Variants in COL24A1 observed in about 807,000 individuals in gnomAD.
COL24A1 encodes the protein collagen type XXIV alpha 1 chain.
COL24A1 carries 224 observed loss-of-function variants against 253.9 expected under a neutral mutation model. The ratio of observed to expected loss-of-function variants is 0.88; its 90% CI spans 0.79 to 0.99. The LOEUF (loss-of-function observed/expected upper bound fraction) is 0.99. Among genes scored for constraint, COL24A1 ranks in the 50% least tolerant of loss-of-function variants. COL24A1 has a pLI of 0.00. For synonymous variants in COL24A1, 685 were observed against 673.7 expected, an observed-to-expected ratio of 1.02 and a Z score of -0.26; for missense variants, 2,131 against 2,068.5, an observed-to-expected ratio of 1.03 and a Z score of -0.59.
chr1:86,107,565 T>TC (rs1203552997), intron 5 of COL24A1, among the ~76,000 whole-genome samples: 1 of 151,404 alleles, frequency 6.6e-6, no homozygotes, highest in African/African-American at 2.4e-5. Flanking sequence ...AGACGGAGTC[T>TC]GCTCCGTCGC....
chr1:85,993,326 T>C (rs1274597839), intron 19 of COL24A1, among the ~76,000 whole-genome samples: 2 of 151,984 alleles, frequency 1.3e-5, no homozygotes, highest in Non-Finnish European at 2.9e-5. Context: ...AAATGGTAAG[T>C]GGATAAACTT....
chr1:85,868,945 A>T, intron 35 of COL24A1, 110 bp from the exon 36 acceptor site: 1 of 644,838 alleles, frequency 1.6e-6, no homozygotes, highest in Non-Finnish European at 2.6e-6. Context: ...GTGTTCACTT[A>T]TTTCTACTAC....
chr1:85,855,232 T>C (rs1410672088), intron 37 of COL24A1, among the ~76,000 whole-genome samples: 2 of 152,206 alleles, frequency 1.3e-5, no homozygotes, highest in African/African-American at 4.8e-5. Flanking sequence ...TTCTTTCTTT[T>C]GTCTGACTGC....
In COL24A1 at chr1:85,757,615, C is replaced by T. The variant is rs1211053748; in HGVS notation, c.4437+3781G>A. On this transcript the variant is annotated intron_variant, in intron 55 of 59. Transcript: ENST00000370571. ...ATTAGAAAGAAAAGAAATTTCATAA[C>T]ACTTGGCCACTCAAAAATTTTCTTG... Among the ~76,000 whole-genome samples the T allele has an allele frequency of 2.0e-5, 3 of 152,100 alleles. No individual in the cohort carries two copies. In the East Asian group the frequency reaches 5.8e-4, roughly 29 times the overall value.
intron 5 of COL24A1, among the ~76,000 whole-genome samples, chr1:86,111,532 G>A (rs114698398): frequency 0.024 from 3,613 of 152,106 alleles, 50 homozygotes; most frequent in Middle Eastern, 0.048. Flanking sequence ...AAAACAGAGC[G>A]ATCAGCTCTC....
intron 47 of COL24A1, among the ~76,000 whole-genome samples, chr1:85,789,329 T>C (rs1334996588): frequency 6.6e-6 from 1 of 152,152 alleles, no homozygotes; most frequent in Non-Finnish European, 1.5e-5. Context: ...CAATTGTGAA[T>C]GGGAGTTCAC....
At chr1:85,794,702 G>A (rs780539678) in intron 47 of COL24A1, among the ~76,000 whole-genome samples, 2 of 152,098 alleles carry the variant, frequency 1.3e-5, no homozygotes, top group African/African-American at 2.4e-5. Flanking sequence ...TCTTCTAAAT[G>A]ATTTGTCTAA....
At chr1:86,107,636 G>A (rs1341969212) in intron 5 of COL24A1, among the ~76,000 whole-genome samples, 3 of 151,912 alleles carry the variant, frequency 2.0e-5, no homozygotes, top group Non-Finnish European at 4.4e-5. Flanking sequence ...CCGGGTTCAC[G>A]CCATTCTCCT....
At chr1:86,043,927 T>A (rs536078201) in intron 12 of COL24A1, among the ~76,000 whole-genome samples, 4 of 152,214 alleles carry the variant, frequency 2.6e-5, no homozygotes, top group African/African-American at 9.6e-5. Flanking sequence ...GATTTCAGCA[T>A]TTCCAGGTTT....
chr1:86,038,534 A>G (rs931515387), intron 12 of COL24A1, among the ~76,000 whole-genome samples: 4 of 152,140 alleles, frequency 2.6e-5, no homozygotes, highest in African/African-American at 4.8e-5. Context: ...CCCAGCCTCA[A>G]TGATGGACCT....
At position 85,802,570 on chromosome 1, in the gene COL24A1, T is replaced by C. The variant is rs1205000606; in HGVS notation, c.3951+14218A>G. Among the ~76,000 whole-genome samples, 7 of 152,190 alleles carry C rather than the reference T, an allele frequency of 4.6e-5. No individual in the cohort carries two copies. In the East Asian group the frequency reaches 1.3e-3, roughly 29 times the overall value. The stretch of plus-strand genomic sequence containing the variant: ...TATGTAGATAAGATATTTATCTCTA[T>C]ATACCTATTTCACTGAGTATAATTG... On this transcript the variant is annotated intron_variant, in intron 47 of 59. Transcript: ENST00000370571.
intron 5 of COL24A1, among the ~76,000 whole-genome samples, chr1:86,109,966 C>T (rs1196373624): frequency 6.6e-6 from 1 of 152,122 alleles, no homozygotes; most frequent in Non-Finnish European, 1.5e-5. Flanking sequence ...AACCAGAAAG[C>T]AAGCCTTCAG....
chr1:86,102,085 AG>A (rs76755199), intron 5 of COL24A1, among the ~76,000 whole-genome samples: 55,813 of 151,620 alleles, frequency 0.37, 10,436 homozygotes, highest in Admixed American at 0.46. Flanking sequence ...TGGTCTGTTA[AG>A]GAATGCAATT....
At chr1:86,022,206 A>C in intron 18 of COL24A1, 34 bp downstream of exon 18, 1 of 1,588,622 alleles carries the variant, frequency 6.3e-7, no homozygotes, top group South Asian at 1.1e-5. Context: ...GCACTCTGTC[A>C]ATTACAAAGA....
intron 55 of COL24A1, among the ~76,000 whole-genome samples, chr1:85,747,395 T>A (rs1351295111): frequency 6.6e-6 from 1 of 152,120 alleles, no homozygotes; most frequent in African/African-American, 2.4e-5. Context: ...ATTACAGGTA[T>A]GAGCCACCGT....
intron 2 of COL24A1, among the ~76,000 whole-genome samples, chr1:86,130,240 C>T (rs1648951534): frequency 6.6e-6 from 1 of 151,730 alleles, no homozygotes; most frequent in African/African-American, 2.4e-5. Flanking sequence ...TTTTTGTTTT[C>T]ATCTACTGTG....
chr1:85,857,462 AAAAAAAAAAAAG>A (rs1678568665), intron 37 of COL24A1, among the ~76,000 whole-genome samples: 2 of 150,808 alleles, frequency 1.3e-5, no homozygotes, highest in African/African-American at 4.9e-5. Flanking sequence ...CTTCTCCAAA[AAAAAAAAAAAAG>A]AAAAAAAAAA....
At chr1:85,813,151 G>T (rs1672713143) in intron 47 of COL24A1, among the ~76,000 whole-genome samples, 2 of 151,688 alleles carry the variant, frequency 1.3e-5, no homozygotes, top group South Asian at 2.1e-4. Flanking sequence ...AAAAAAAGAT[G>T]CATGGTCTAA....
intron 7 of COL24A1, among the ~76,000 whole-genome samples, chr1:86,073,902 T>C (rs1184263505): frequency 6.6e-6 from 1 of 152,136 alleles, no homozygotes; most frequent in Admixed American, 6.5e-5. Context: ...ATAAAATCCT[T>C]TATAGACAAG....
Sources: gnomAD v4.1 joint callset for allele counts (sites outside exome capture counted in the v4.1 genomes callset) on GRCh38, gnomAD v4.1.1 for gene constraint, MANE v1.5 for transcripts, NCBI Gene and HGNC (gene_info 2026-07-23, HGNC 2026-07-21) for gene names.